The following ARSF variants were observed in gnomAD, a reference collection of about 807,000 sequenced individuals.
ARSF encodes arylsulfatase F.
A neutral mutation model predicts 35.4 loss-of-function variants in ARSF; 33 were observed. That is an observed-to-expected ratio of 0.93 (90% CI 0.71 to 1.25). The LOEUF (loss-of-function observed/expected upper bound fraction) is 1.25, where lower values mean the gene tolerates loss of function less well. Ranked by LOEUF, ARSF falls within the 50% of genes most tolerant of loss-of-function variation. ARSF has a pLI of 0.00. For missense variants in ARSF, 501 were observed against 480.2 expected, an observed-to-expected ratio of 1.04 and a Z score of -0.40; for synonymous variants, 222 against 193.1, an observed-to-expected ratio of 1.15 and a Z score of -1.24.
intron 1 of ARSF, among the ~76,000 whole-genome samples, chrX:3,050,546 CAA>C (rs572650651): frequency 2.6e-4 from 14 of 53,194 alleles, no homozygotes; most frequent in Non-Finnish European, 3.3e-4. Flanking sequence ...AACTCTGTCT[CAA>C]AAAAAAAAAA....
At position 3,078,906 on chromosome X, in the gene ARSF, G is replaced by A. The variant is rs1009593707; in HGVS notation, c.284-1985G>A. The stretch of plus-strand genomic sequence containing the variant: ...CTAGAACATTTCCATCACCCACAAA[G>A]GAGATCTTGTCCCCATGAAGCAATC... On this transcript the variant is annotated intron_variant, in intron 4 of 10. Coordinates refer to ENST00000381127, the MANE Select transcript of ARSF (RefSeq NM_001201539.2). 3.6e-5 allele frequency among the ~76,000 whole-genome samples: 4 copies of A among 111,007 alleles called. No homozygotes were observed. In the East Asian group the frequency reaches 8.5e-4, roughly 24 times the overall value.
intron 7 of ARSF, among the ~76,000 whole-genome samples, chrX:3,099,635 G>T (rs1434248418): frequency 3.6e-5 from 4 of 111,401 alleles, no homozygotes; most frequent in Non-Finnish European, 5.6e-5. Flanking sequence ...ATTAAATGGT[G>T]TCTTCCAGTT....
At chrX:3,072,295 T>C in intron 3 of ARSF, 120 bp downstream of exon 3, 2 of 708,508 alleles carry the variant, frequency 2.8e-6, no homozygotes, top group South Asian at 7.6e-5. Flanking sequence ...TTTAAGTTAC[T>C]TTAAACTTTT....
intron 1 of ARSF, among the ~76,000 whole-genome samples, chrX:3,050,781 G>C (rs137908958): frequency 1.0e-3 from 116 of 110,837 alleles, no homozygotes; most frequent in African/African-American, 3.6e-3. Flanking sequence ...CATGCGCAGT[G>C]TGTTTACTGG....
chrX:3,060,055 A>G (rs2090035407), intron 1 of ARSF, among the ~76,000 whole-genome samples: 2 of 111,811 alleles, frequency 1.8e-5, no homozygotes, highest in Admixed American at 1.9e-4. Flanking sequence ...CTGACAACTC[A>G]TACAGGTGGT....
chrX:3,089,026 A>G (rs2090269036), intron 6 of ARSF, among the ~76,000 whole-genome samples: 2 of 111,864 alleles, frequency 1.8e-5, no homozygotes, highest in Admixed American at 1.9e-4. Context: ...AGAAGCAGAC[A>G]TCAGCAGTTT....
Position 3,076,561 on chromosome X carries a change from G to T in ARSF, c.175G>T (p.Asp59Tyr), listed in dbSNP as rs111289343. Residue 59 changes from aspartate (D) to tyrosine (Y), a missense_variant, in exon 4 of 11, where the codon GAC becomes TAC. Asp to Tyr is a radical substitution (Grantham distance 160). Coordinates refer to ENST00000381127, the MANE Select transcript of ARSF (RefSeq NM_001201539.2). ...CTCCCCCTTCAGGACGCCTCACATC[G>T]ACCGCCTTGCCAGGGAAGGCGTGCG... is the stretch of plus-strand genomic sequence containing the variant. ...GNDTMRTPHIDRLAREGVRLT... is the reference protein window; with the variant it reads ...GNDTMRTPHIYRLAREGVRLT... The T allele has an allele frequency of 5.0e-6, 6 of 1,201,608 alleles. No individual in the cohort carries two copies. The highest frequency in any genetic ancestry group is 4.5e-6 in the Non-Finnish European group (4 of 892,169).
Position 3,072,180 on chromosome X carries a change from G to A in ARSF, c.161+5G>A. 1 of 1,207,213 alleles carries A rather than the reference G, an allele frequency of 8.3e-7. No individual in the cohort carries two copies. The highest frequency in any genetic ancestry group is 1.1e-6 in the Non-Finnish European group (1 of 891,901). On this transcript the variant is annotated splice_donor_5th_base_variant and intron_variant, in intron 3 of 10. Coordinates refer to ENST00000381127, the MANE Select transcript of ARSF (RefSeq NM_001201539.2). ...CTACGGCAATGACACCATGAGGTAA[G>A]GCGGTTTCATGGCCAGTCATACGTT...
intron 9 of ARSF, among the ~76,000 whole-genome samples, chrX:3,109,409 C>T (rs1603465183): frequency 1.8e-5 from 2 of 111,903 alleles, no homozygotes; most frequent in Admixed American, 1.9e-4. Flanking sequence ...CTTTCTAATA[C>T]AAGGCATAAG....
intron 7 of ARSF, among the ~76,000 whole-genome samples, chrX:3,096,507 G>A (rs2090339073): frequency 9.0e-6 from 1 of 111,180 alleles, no homozygotes; most frequent in Non-Finnish European, 1.9e-5. Context: ...TTATAGAGGT[G>A]ATGATGAAAT....
chrX:3,055,760 G>T (rs1456864038), intron 1 of ARSF, among the ~76,000 whole-genome samples: 1 of 111,078 alleles, frequency 9.0e-6, no homozygotes, highest in Non-Finnish European at 1.9e-5. Context: ...CAGTGTTTCT[G>T]CACAGCACTC....
In ARSF at chrX:3,101,213, T is replaced by C; in HGVS notation, c.1094T>C (p.Ile365Thr). Residue 365 changes from isoleucine to threonine, a missense_variant, in exon 8 of 11, where the codon ATA (isoleucine) becomes ACA (threonine). Transcript: ENST00000381127. ...GCCCAACTTGGTGGATGGAATGGAATATACAAAGGTGAGGAGAGGAACTCA... is the reference window on the plus strand; with the variant it reads ...GCCCAACTTGGTGGATGGAATGGAACATACAAAGGTGAGGAGAGGAACTCA... ...GHAQLGGWNG[I>T]YKGGKGMGGW... The C allele has an allele frequency of 8.3e-7, 1 of 1,209,916 alleles. No individual in the cohort carries two copies. Among genetic ancestry groups the C allele is most frequent in the Non-Finnish European group, 1.1e-6 (1 of 894,795 alleles).
intron 7 of ARSF, among the ~76,000 whole-genome samples, chrX:3,095,235 G>T (rs1031069114): frequency 2.8e-5 from 3 of 108,761 alleles, no homozygotes; most frequent in Non-Finnish European, 5.7e-5. Flanking sequence ...ATAATATTAA[G>T]AATACAAACA....
intron 5 of ARSF, among the ~76,000 whole-genome samples, chrX:3,081,427 C>T (rs750767222): frequency 4.5e-5 from 5 of 111,413 alleles, no homozygotes; most frequent in African/African-American, 1.6e-4. Context: ...ACCTCCATCT[C>T]CTGGGTTCAA....
At chrX:3,074,109 A>T (rs2090129365) in intron 3 of ARSF, among the ~76,000 whole-genome samples, 1 of 110,888 alleles carries the variant, frequency 9.0e-6, no homozygotes, top group Admixed American at 9.9e-5. Context: ...GTCGCCAAAA[A>T]TTAACCATTG....
At chrX:3,054,150 T>C (rs956019126) in intron 1 of ARSF, among the ~76,000 whole-genome samples, 1 of 111,494 alleles carries the variant, frequency 9.0e-6, no homozygotes, top group East Asian at 2.8e-4. Flanking sequence ...CACTTTACAG[T>C]GTGTGCTGTA....
At chrX:3,068,224 C>G in intron 2 of ARSF, 113 bp downstream of exon 2, 1 of 692,359 alleles carries the variant, frequency 1.4e-6, no homozygotes, top group Non-Finnish European at 2.0e-6. Flanking sequence ...GCCTTTTTTT[C>G]TTTTTTCTTT....
chrX:3,076,920 T>G (rs1432390869), intron 4 of ARSF, among the ~76,000 whole-genome samples: 1 of 111,509 alleles, frequency 9.0e-6, no homozygotes, highest in Non-Finnish European at 1.9e-5. Context: ...GTGGCATGTG[T>G]CTGTGGTCCC....
intron 4 of ARSF, among the ~76,000 whole-genome samples, chrX:3,079,970 C>CAAAAAAAAAAAAAAA (rs1224175073): frequency 1.1e-4 from 3 of 28,394 alleles, no homozygotes; most frequent in African/African-American, 3.2e-4. Flanking sequence ...ACAACAACAA[C>CAAAAAAAAAAAAAAA]AAAAAAAAAA....
Sources: gnomAD v4.1 joint callset for allele counts (sites outside exome capture counted in the v4.1 genomes callset) on GRCh38, gnomAD v4.1.1 for gene constraint, MANE v1.5 for transcripts, NCBI Gene and HGNC (gene_info 2026-07-23, HGNC 2026-07-21) for gene names.